RTN4: variants seen among roughly 807,000 people sequenced by gnomAD.
RTN4 encodes the protein reticulon-4.
A neutral mutation model predicts 90.4 loss-of-function variants in RTN4; 32 were observed. The ratio of observed to expected loss-of-function variants is 0.35; its 90% CI spans 0.27 to 0.48. The LOEUF is 0.48. Among genes scored for constraint, RTN4 ranks in the 20% least tolerant of loss-of-function variants. RTN4 has a pLI of 0.99. For synonymous variants in RTN4, 629 were observed against 552.5 expected (o/e 1.14, Z -1.94); for missense variants, 1,706 against 1,430.2 (o/e 1.19, Z -3.11).
chr2:55,010,340 T>C, intron 3 of RTN4: 1 of 1,368,080 alleles, frequency 7.3e-7, no homozygotes, highest in East Asian at 2.6e-5. Context: ...AGGCTACTAA[T>C]ACTCCAGCAT....
intron 3 of RTN4, among the ~76,000 whole-genome samples, chr2:55,013,623 G>T (rs1381979678): frequency 2.5e-5 from 2 of 79,828 alleles, no homozygotes; most frequent in African/African-American, 1.1e-4. Context: ...GGGGGGGAGG[G>T]TGTAGGGGGG....
chr2:55,125,880 T>C, the RTN4 span, among the ~76,000 whole-genome samples: 2 of 150,028 alleles, frequency 1.3e-5, no homozygotes, highest in Non-Finnish European at 3.0e-5. Flanking sequence ...GCTAACACAG[T>C]GAAACCCCAT....
intron 2 of RTN4, among the ~76,000 whole-genome samples, chr2:55,057,529 G>A (rs976560986): frequency 1.3e-5 from 2 of 152,150 alleles, no homozygotes; most frequent in Admixed American, 6.5e-5. Context: ...GCAGAATAAG[G>A]TCACATAGCT....
At chr2:55,113,383 A>C (rs1668071364), upstream of RTN4, among the ~76,000 whole-genome samples, 2 of 152,164 alleles carry the variant, frequency 1.3e-5, no homozygotes, top group Non-Finnish European at 2.9e-5. Flanking sequence ...CCTTATCAAT[A>C]CTCACAAACA....
intron 3 of RTN4, among the ~76,000 whole-genome samples, chr2:55,023,057 A>G (rs1681566555): frequency 6.6e-6 from 1 of 152,064 alleles, no homozygotes; most frequent in South Asian, 2.1e-4. Flanking sequence ...TTCACTGACC[A>G]TCTACTCTCC....
chr2:55,035,946 C>T (rs966173896), intron 1 of RTN4, among the ~76,000 whole-genome samples: 1 of 152,070 alleles, frequency 6.6e-6, no homozygotes, highest in Admixed American at 6.5e-5. Context: ...AAAACTGACA[C>T]AAGCAGAAAT....
rs756947351 is a variant in RTN4 at position 55,027,155 on chromosome 2, A to G, written c.944T>C (p.Ile315Thr). ...TATTTCTTCCCTAGGATTTGCTACT[A>G]TTACGGCAGATTCTGCTTTTGGAGA... ...SVSPKAESAV[I>T]VANPREEIIV... Residue 315 changes from isoleucine to threonine, a missense_variant, in exon 3 of 9, where the codon ATA becomes ACA. Transcript: ENST00000337526. The G allele has an allele frequency of 2.8e-5, 45 of 1,613,596 alleles. No individual in the cohort carries two copies. The highest frequency in any genetic ancestry group is 3.8e-5 in the Non-Finnish European group (45 of 1,179,818).
chr2:55,055,769 C>CAAAAAAA (rs1316922151), upstream of RTN4, among the ~76,000 whole-genome samples: 1 of 97,976 alleles, frequency 1.0e-5, no homozygotes. Flanking sequence ...GACTCCGTCT[C>CAAAAAAA]AAAAAAAAAA....
intron 3 of RTN4, among the ~76,000 whole-genome samples, chr2:55,000,921 T>C (rs975087912): frequency 6.6e-6 from 1 of 152,122 alleles, no homozygotes; most frequent in Non-Finnish European, 1.5e-5. Context: ...GAATAAACCA[T>C]GTTTTGTTTA....
intron 3 of RTN4, among the ~76,000 whole-genome samples, chr2:54,991,835 C>T (rs993735538): frequency 6.6e-6 from 1 of 152,080 alleles, no homozygotes; most frequent in Non-Finnish European, 1.5e-5. Context: ...AGGAAAATAA[C>T]AAATTCATAT....
At chr2:55,127,022 C>T in the RTN4 span, among the ~76,000 whole-genome samples, 5 of 151,984 alleles carry the variant, frequency 3.3e-5, no homozygotes, top group South Asian at 2.1e-4. Flanking sequence ...GGGGAGAGTA[C>T]GGGGAGGAAG....
intron 2 of RTN4, among the ~76,000 whole-genome samples, chr2:55,070,117 C>T (rs1311172546): frequency 1.3e-5 from 2 of 152,128 alleles, no homozygotes; most frequent in Non-Finnish European, 2.9e-5. Context: ...GTTCCTCAAC[C>T]TCAGAACAAT....
the RTN4 span, among the ~76,000 whole-genome samples, chr2:55,132,266 G>A: frequency 6.6e-6 from 1 of 152,198 alleles, no homozygotes; most frequent in Non-Finnish European, 1.5e-5. Flanking sequence ...ACTTTGGGAG[G>A]CTGAGGCGGG....
chr2:55,020,839 T>C (rs1681373736), intron 3 of RTN4, among the ~76,000 whole-genome samples: 1 of 151,940 alleles, frequency 6.6e-6, no homozygotes. Context: ...CAAGACCTCC[T>C]CTCTACAAAA....
At chr2:54,975,296 T>C (rs183704047) in intron 5 of RTN4, among the ~76,000 whole-genome samples, 132 of 152,356 alleles carry the variant, frequency 8.7e-4, no homozygotes, top group African/African-American at 3.1e-3. Context: ...AGTCTGAATT[T>C]TGTTAAACAT....
intron 3 of RTN4, among the ~76,000 whole-genome samples, chr2:55,019,687 CAAAT>C: frequency 1.3e-5 from 2 of 152,046 alleles, no homozygotes; most frequent in East Asian, 1.9e-4. Flanking sequence ...AATGTCATAA[CAAAT>C]AAATAAAGAC....
upstream of RTN4, among the ~76,000 whole-genome samples, chr2:55,055,274 A>G (rs1258198097): frequency 6.6e-6 from 1 of 151,812 alleles, no homozygotes; most frequent in Non-Finnish European, 1.5e-5. Flanking sequence ...ATGCTGTCTT[A>G]GACAAATAAA....
At chr2:55,029,614 A>C (rs1352237961) in intron 1 of RTN4, among the ~76,000 whole-genome samples, 1 of 152,230 alleles carries the variant, frequency 6.6e-6, no homozygotes, top group Non-Finnish European at 1.5e-5. Flanking sequence ...CTTGTCTTCC[A>C]AGCATATTAC....
intron 5 of RTN4, among the ~76,000 whole-genome samples, chr2:54,981,629 C>T (rs1480319178): frequency 6.6e-6 from 1 of 152,150 alleles, no homozygotes; most frequent in Non-Finnish European, 1.5e-5. Flanking sequence ...GTGCCTGTTT[C>T]GTCAGTCAGA....
Sources: allele counts gnomAD v4.1 joint callset (sites outside exome capture counted in the v4.1 genomes callset), GRCh38; gene constraint gnomAD v4.1.1; transcripts MANE v1.5; gene names NCBI Gene and HGNC (gene_info 2026-07-23, HGNC 2026-07-21).